The following TAFA2 variants were observed in gnomAD, a reference collection of about 807,000 sequenced individuals.
The protein encoded by TAFA2 is TAFA chemokine like family member 2.
A neutral mutation model predicts 18.8 loss-of-function variants in TAFA2; 7 were observed. The ratio of observed to expected loss-of-function variants is 0.37; its 90% confidence interval spans 0.21 to 0.70. The LOEUF (loss-of-function observed/expected upper bound fraction) is 0.70, where lower values mean the gene tolerates loss of function less well. Ranked by LOEUF, TAFA2 falls within the 30% of genes least tolerant of loss-of-function variation. The pLI, the probability that TAFA2 is intolerant of heterozygous loss-of-function variation, is 0.53. For missense variants in TAFA2, 122 were observed against 158.1 expected (o/e 0.77, Z 1.23); for synonymous variants, 60 against 54.2 (o/e 1.11, Z -0.47).
intron 4 of TAFA2, among the ~76,000 whole-genome samples, chr12:61,750,560 T>C (rs1259588381): frequency 1.3e-5 from 2 of 152,212 alleles, no homozygotes; most frequent in African/African-American, 4.8e-5. Context: ...TTCACATTTG[T>C]AGTAAGTACA....
chr12:62,120,162 C>A (rs780083137), intron 1 of TAFA2, among the ~76,000 whole-genome samples: 2 of 152,012 alleles, frequency 1.3e-5, no homozygotes, highest in African/African-American at 4.8e-5. Flanking sequence ...GTGCTAGATA[C>A]TGTAAAGAAC....
intron 1 of TAFA2, among the ~76,000 whole-genome samples, chr12:62,214,533 A>C (rs1022943865): frequency 2.2e-4 from 33 of 152,190 alleles, no homozygotes; most frequent in Admixed American, 2.6e-4. Flanking sequence ...ATACACCCCC[A>C]AAAATTTATA....
chr12:61,923,374 T>C (rs1459073867), intron 1 of TAFA2, among the ~76,000 whole-genome samples: 1 of 152,126 alleles, frequency 6.6e-6, no homozygotes, highest in African/African-American at 2.4e-5. Context: ...CCCTCTGGGA[T>C]GAAAGTTCGA....
chr12:62,010,310 G>A (rs1449971524), intron 1 of TAFA2, among the ~76,000 whole-genome samples: 7 of 152,080 alleles, frequency 4.6e-5, no homozygotes, highest in East Asian at 3.9e-4. Context: ...CCAGCGCGCC[G>A]CCATGCCTGA....
chr12:61,843,260 C>T (rs139455758), intron 2 of TAFA2, among the ~76,000 whole-genome samples: 4 of 152,040 alleles, frequency 2.6e-5, no homozygotes, highest in Admixed American at 1.3e-4. Context: ...AAATTATTTC[C>T]GAGTTTGCTG....
chr12:62,258,995 GTAT>G (rs1278505112), upstream of TAFA2: 1 of 178,450 alleles, frequency 5.6e-6, no homozygotes, highest in Non-Finnish European at 1.2e-5. Flanking sequence ...ATGCAAAATA[GTAT>G]TATTACGCAG....
intron 1 of TAFA2, among the ~76,000 whole-genome samples, chr12:62,016,457 G>A (rs1880939345): frequency 6.6e-6 from 1 of 152,092 alleles, no homozygotes; most frequent in African/African-American, 2.4e-5. Flanking sequence ...GGACACAACT[G>A]CCAGAAATGA....
At chr12:61,945,642 A>G (rs1373789466) in intron 1 of TAFA2, among the ~76,000 whole-genome samples, 3 of 128,580 alleles carry the variant, frequency 2.3e-5, no homozygotes, top group Admixed American at 8.1e-5. Flanking sequence ...AAAAATCACA[A>G]GCATTCCTAT....
intron 1 of TAFA2, among the ~76,000 whole-genome samples, chr12:62,235,710 AT>A (rs572704814): frequency 3.9e-4 from 59 of 151,984 alleles, no homozygotes; most frequent in South Asian, 1.0e-3. Flanking sequence ...GTTGCTTTTT[AT>A]TTTTAGTGGA....
intron 1 of TAFA2, among the ~76,000 whole-genome samples, chr12:61,896,146 A>C (rs1300208036): frequency 2.6e-5 from 4 of 152,176 alleles, no homozygotes; most frequent in African/African-American, 9.6e-5. Context: ...ATCTATGCTC[A>C]TCGATGAGGC....
At chr12:61,789,449 C>T (rs1040293687) in intron 2 of TAFA2, among the ~76,000 whole-genome samples, 7 of 151,706 alleles carry the variant, frequency 4.6e-5, no homozygotes, top group Admixed American at 1.3e-4. Flanking sequence ...AAACAGAAAA[C>T]CAAACACTGC....
chr12:61,710,931 A>G (rs1398776320), intron 4 of TAFA2, among the ~76,000 whole-genome samples: 1 of 151,922 alleles, frequency 6.6e-6, no homozygotes, highest in East Asian at 1.9e-4. Flanking sequence ...TTGAAAAATT[A>G]TATTTGAAAA....
At chr12:62,003,598 G>T (rs1173509861) in intron 1 of TAFA2, among the ~76,000 whole-genome samples, 1 of 152,156 alleles carries the variant, frequency 6.6e-6, no homozygotes, top group South Asian at 2.1e-4. Flanking sequence ...TTCATATCCT[G>T]CTCTATTTTT....
At chr12:61,847,300 C>A (rs1396323176) in intron 2 of TAFA2, among the ~76,000 whole-genome samples, 1 of 152,120 alleles carries the variant, frequency 6.6e-6, no homozygotes, top group Non-Finnish European at 1.5e-5. Flanking sequence ...TTGAGGAGTT[C>A]CTTGACAGCA....
chr12:62,144,093 G>T (rs2062261358), intron 1 of TAFA2, among the ~76,000 whole-genome samples: 1 of 144,970 alleles, frequency 6.9e-6, no homozygotes, highest in South Asian at 2.3e-4. Flanking sequence ...CTCATACGAT[G>T]ACCATAGAGT....
chr12:61,998,707 G>T (rs568650729), intron 1 of TAFA2, among the ~76,000 whole-genome samples: 1 of 152,264 alleles, frequency 6.6e-6, no homozygotes, highest in South Asian at 2.1e-4. Flanking sequence ...ATATCACCTT[G>T]TAATGTACTA....
At chr12:61,910,999 G>C (rs923044801) in intron 1 of TAFA2, among the ~76,000 whole-genome samples, 20 of 152,132 alleles carry the variant, frequency 1.3e-4, no homozygotes, top group Admixed American at 1.3e-3. Context: ...TTGCCTGCTC[G>C]TTCCCTGCAT....
chr12:62,117,656 A>T (rs1455204203), intron 1 of TAFA2, among the ~76,000 whole-genome samples: 5 of 152,138 alleles, frequency 3.3e-5, no homozygotes, highest in Admixed American at 3.3e-4. Context: ...GCACCAAGAA[A>T]ATGTAGTAGA....
At chr12:61,906,049 T>C (rs1481770893) in intron 1 of TAFA2, among the ~76,000 whole-genome samples, 1 of 152,206 alleles carries the variant, frequency 6.6e-6, no homozygotes, top group Non-Finnish European at 1.5e-5. Context: ...AGACATGAAA[T>C]TGGTCCTTAA....
Sources: gnomAD v4.1 joint callset for allele counts (sites outside exome capture counted in the v4.1 genomes callset) on GRCh38, gnomAD v4.1.1 for gene constraint, MANE v1.5 for transcripts, NCBI Gene and HGNC (gene_info 2026-07-23, HGNC 2026-07-21) for gene names.